The following ADAMTS16 variants were observed in gnomAD, a reference collection of about 807,000 sequenced individuals.
The protein encoded by ADAMTS16 is A disintegrin and metalloproteinase with thrombospondin motifs 16.
ADAMTS16 carries 94 observed loss-of-function variants against 145.8 expected under a neutral mutation model. That is an observed-to-expected ratio of 0.64 (90% CI 0.55 to 0.77). ADAMTS16 has a LOEUF of 0.77. ADAMTS16 is among the 30% of genes least tolerant of loss of function. The probability of loss-of-function intolerance (pLI) is 0.00; values close to 1 mark genes in which losing one functional copy is unlikely to be tolerated. For synonymous variants in ADAMTS16, 659 were observed against 604.3 expected (o/e 1.09, Z -1.33); for missense variants, 1,585 against 1,591.5 (o/e 1.00, Z 0.07).
At chr5:5,284,567 T>C (rs1003653257) in intron 18 of ADAMTS16, among the ~76,000 whole-genome samples, 7 of 152,170 alleles carry the variant, frequency 4.6e-5, no homozygotes, top group African/African-American at 1.7e-4. Context: ...TTCAGAAGGA[T>C]GATTGCTCCT....
At chr5:5,261,851 C>T (rs1738047287) in intron 17 of ADAMTS16, among the ~76,000 whole-genome samples, 1 of 152,190 alleles carries the variant, frequency 6.6e-6, no homozygotes. Flanking sequence ...GATGTACAAT[C>T]ATCACCACCA....
chr5:5,290,399 A>G (rs1739262778), intron 18 of ADAMTS16, among the ~76,000 whole-genome samples: 1 of 152,194 alleles, frequency 6.6e-6, no homozygotes, highest in South Asian at 2.1e-4. Flanking sequence ...TCATGCGTGT[A>G]ATCCCAGCAC....
rs566032001 is a variant in ADAMTS16 at position 5,172,068 on chromosome 5, C to A, written c.502-9976C>A. 2.6e-5 allele frequency among the ~76,000 whole-genome samples: 4 copies of A among 152,122 alleles called. No homozygotes were observed. In the South Asian group the frequency reaches 8.3e-4, roughly 32 times the overall value. On this transcript the variant is annotated intron_variant, in intron 3 of 22. Transcript: ENST00000274181. Reference sequence around the variant, plus strand: ...ATTAGCATATAGCTGTTCACAGAAGCCTCTAATCATCCTTTGTATGTCTGT... The same window carrying A: ...ATTAGCATATAGCTGTTCACAGAAGACTCTAATCATCCTTTGTATGTCTGT...
intron 1 of ADAMTS16, 48 bp from the exon 2 acceptor site, chr5:5,140,616 C>A: frequency 3.9e-6 from 6 of 1,525,582 alleles, no homozygotes; most frequent in Non-Finnish European, 5.3e-6. Flanking sequence ...CGGCTCCTCT[C>A]CCGCGGACCC....
At chr5:5,236,888 GTCTA>G in intron 13 of ADAMTS16, 77 bp from the exon 14 acceptor site, 1 of 1,484,932 alleles carries the variant, frequency 6.7e-7, no homozygotes, top group Non-Finnish European at 8.9e-7. Context: ...AAGAAAGAAA[GTCTA>G]TCTAAAATTC....
intron 16 of ADAMTS16, 62 bp downstream of exon 16, chr5:5,239,987 G>A (rs986315203): frequency 1.9e-6 from 3 of 1,576,106 alleles, no homozygotes; most frequent in East Asian, 2.2e-5. Context: ...GTCTGTGTAA[G>A]TTAATGGCTG....
At chr5:5,188,148 G>C (rs1030367834) in intron 6 of ADAMTS16, among the ~76,000 whole-genome samples, 8 of 152,224 alleles carry the variant, frequency 5.3e-5, no homozygotes, top group African/African-American at 1.9e-4. Context: ...CAGGATGCCA[G>C]TGGGAATGAG....
At chr5:5,184,295 C>T (rs1190843975) in intron 4 of ADAMTS16, among the ~76,000 whole-genome samples, 2 of 150,968 alleles carry the variant, frequency 1.3e-5, no homozygotes, top group Non-Finnish European at 3.0e-5. Flanking sequence ...ACTGCACCCC[C>T]AGGGCCCTAT....
intron 20 of ADAMTS16, among the ~76,000 whole-genome samples, chr5:5,305,027 A>G (rs1739997004): frequency 1.8e-5 from 1 of 56,478 alleles, no homozygotes; most frequent in African/African-American, 6.7e-5. Context: ...ACACACACAC[A>G]CACATCCATC....
intron 20 of ADAMTS16, among the ~76,000 whole-genome samples, chr5:5,304,748 C>T (rs1003194732): frequency 7.2e-5 from 11 of 152,036 alleles, no homozygotes; most frequent in African/African-American, 2.4e-4. Flanking sequence ...CTTGCCATTG[C>T]TAACAATGCA....
At chr5:5,261,446 A>G (rs1015405651) in intron 17 of ADAMTS16, among the ~76,000 whole-genome samples, 1 of 146,512 alleles carries the variant, frequency 6.8e-6, no homozygotes, top group African/African-American at 2.5e-5. Flanking sequence ...CCCTGCATTC[A>G]CTCTTTAATA....
chr5:5,202,302 G>C (rs1366007854), intron 9 of ADAMTS16, among the ~76,000 whole-genome samples: 1 of 152,090 alleles, frequency 6.6e-6, no homozygotes, highest in Non-Finnish European at 1.5e-5. Flanking sequence ...AGCATAAGTG[G>C]CAACAGTTTG....
At chr5:5,149,576 G>A (rs980930508) in intron 3 of ADAMTS16, among the ~76,000 whole-genome samples, 1 of 152,112 alleles carries the variant, frequency 6.6e-6, no homozygotes, top group Non-Finnish European at 1.5e-5. Context: ...GAGTTAATTA[G>A]CTCTATTCAT....
chr5:5,155,576 G>T (rs926017335), intron 3 of ADAMTS16, among the ~76,000 whole-genome samples: 2 of 152,184 alleles, frequency 1.3e-5, no homozygotes, highest in African/African-American at 4.8e-5. Flanking sequence ...AAATTCAGAC[G>T]TTTGGAGCTG....
chr5:5,275,143 GA>G (rs1177374136), intron 18 of ADAMTS16, among the ~76,000 whole-genome samples: 1 of 152,184 alleles, frequency 6.6e-6, no homozygotes, highest in East Asian at 1.9e-4. Flanking sequence ...TCTGGGGTTG[GA>G]GGGAAGAACA....
At chr5:5,149,797 T>C (rs1302506131) in intron 3 of ADAMTS16, among the ~76,000 whole-genome samples, 1 of 152,226 alleles carries the variant, frequency 6.6e-6, no homozygotes, top group Non-Finnish European at 1.5e-5. Flanking sequence ...AACAGAAGCA[T>C]ACACTATGTG....
intron 18 of ADAMTS16, among the ~76,000 whole-genome samples, chr5:5,266,102 G>A (rs971052498): frequency 6.6e-6 from 1 of 150,992 alleles, no homozygotes; most frequent in African/African-American, 2.4e-5. Context: ...TAAATCTCAG[G>A]GTAATTGGAA....
chr5:5,159,737 T>C (rs1043620774), intron 3 of ADAMTS16, among the ~76,000 whole-genome samples: 5 of 152,226 alleles, frequency 3.3e-5, no homozygotes, highest in Admixed American at 2.0e-4. Context: ...AGACATATCA[T>C]TTGAGCAAGC....
intron 12 of ADAMTS16, among the ~76,000 whole-genome samples, chr5:5,232,833 C>T (rs1736975832): frequency 6.6e-6 from 1 of 151,990 alleles, no homozygotes; most frequent in Non-Finnish European, 1.5e-5. Context: ...GAACTCCTGA[C>T]CTTAGGTAAT....
Sources: allele counts gnomAD v4.1 joint callset (sites outside exome capture counted in the v4.1 genomes callset), GRCh38; gene constraint gnomAD v4.1.1; transcripts MANE v1.5; gene names NCBI Gene and HGNC (gene_info 2026-07-23, HGNC 2026-07-21).